The following RIMKLB variants were observed in gnomAD, a reference collection of about 807,000 sequenced individuals.
The protein encoded by RIMKLB is ribosomal modification protein rimK like family member B.
In RIMKLB, 7 loss-of-function variants were observed where a neutral mutation model predicts 32.0. The ratio of observed to expected loss-of-function variants is 0.22; its 90% CI spans 0.12 to 0.41. The LOEUF (loss-of-function observed/expected upper bound fraction) is 0.41, where lower values mean the gene tolerates loss of function less well. RIMKLB is among the 10% of genes least tolerant of loss of function. The pLI, the probability that RIMKLB is intolerant of heterozygous loss-of-function variation, is 1.00. For missense variants in RIMKLB, 289 were observed against 498.7 expected, an observed-to-expected ratio of 0.58 and a Z score of 4.00; for synonymous variants, 172 against 185.1, an observed-to-expected ratio of 0.93 and a Z score of 0.57.
chr12:8,752,197 G>A (rs1306069119), intron 4 of RIMKLB, among the ~76,000 whole-genome samples, 154 bp downstream of exon 4: 1 of 152,170 alleles, frequency 6.6e-6, no homozygotes, highest in Admixed American at 6.6e-5. Context: ...TTGGCTAAAA[G>A]CTATTTGTTT....
chr12:8,746,221 T>TC (rs1232221103), intron 2 of RIMKLB, among the ~76,000 whole-genome samples: 4 of 151,752 alleles, frequency 2.6e-5, no homozygotes, highest in Admixed American at 6.6e-5. Context: ...TCAAAATTTT[T>TC]CATCCTCAAA....
chr12:8,740,314 TC>T (rs1947384566), intron 2 of RIMKLB, among the ~76,000 whole-genome samples: 1 of 152,256 alleles, frequency 6.6e-6, no homozygotes, highest in African/African-American at 2.4e-5. Flanking sequence ...AATACTTTTT[TC>T]CCCGATGGTC....
intron 1 of RIMKLB, among the ~76,000 whole-genome samples, chr12:8,705,212 C>T (rs1313727319): frequency 2.6e-5 from 4 of 152,088 alleles, no homozygotes; most frequent in South Asian, 2.1e-4. Context: ...CATGGTGGCT[C>T]ATACCTGTAA....
intron 5 of RIMKLB, among the ~76,000 whole-genome samples, chr12:8,766,388 A>G (rs745404347): frequency 6.6e-6 from 1 of 152,192 alleles, no homozygotes; most frequent in Non-Finnish European, 1.5e-5. Context: ...GGTGAATTCT[A>G]GAGCTGGGCT....
At chr12:8,757,472 A>G (rs1159363601) in intron 5 of RIMKLB, among the ~76,000 whole-genome samples, 4 of 145,348 alleles carry the variant, frequency 2.8e-5, no homozygotes, top group Non-Finnish European at 4.6e-5. Context: ...CCCTGTCTCA[A>G]AAAAAAAAAA....
At chr12:8,779,383 C>A (rs1327842498), downstream of RIMKLB, 1 of 152,312 alleles carries the variant, frequency 6.6e-6, no homozygotes, top group Non-Finnish European at 1.5e-5. Context: ...AGACAGACAT[C>A]CCTGTGCCTC....
chr12:8,748,560 A>ATGTG (rs1565611394), intron 2 of RIMKLB, among the ~76,000 whole-genome samples: 9 of 27,418 alleles, frequency 3.3e-4, no homozygotes, highest in Non-Finnish European at 6.2e-4. Flanking sequence ...GTGTGTGTGC[A>ATGTG]TATATATATA....
chr12:8,744,235 G>A (rs1315414047), intron 2 of RIMKLB, among the ~76,000 whole-genome samples: 1 of 151,992 alleles, frequency 6.6e-6, no homozygotes. Context: ...TCCAGCCTTG[G>A]ATCACTTCTG....
chr12:8,777,361 G>T, downstream of RIMKLB: 3 of 984,312 alleles, frequency 3.0e-6, no homozygotes, highest in Non-Finnish European at 3.6e-6. Flanking sequence ...AGTCTTCCAG[G>T]TTTAATTTGA....
At chr12:8,727,467 C>T (rs925709850) in intron 2 of RIMKLB, among the ~76,000 whole-genome samples, 4 of 152,164 alleles carry the variant, frequency 2.6e-5, no homozygotes, top group African/African-American at 4.8e-5. Flanking sequence ...TTGAACTCAA[C>T]CTCAGGTAAT....
At chr12:8,748,477 T>C (rs1375282957) in intron 2 of RIMKLB, among the ~76,000 whole-genome samples, 1 of 151,024 alleles carries the variant, frequency 6.6e-6, no homozygotes, top group East Asian at 1.9e-4. Flanking sequence ...AAGCATCCAT[T>C]GAGGGTTTTG....
At chr12:8,728,116 C>G (rs191773249) in intron 2 of RIMKLB, among the ~76,000 whole-genome samples, 161 of 152,262 alleles carry the variant, frequency 1.1e-3, no homozygotes, top group Non-Finnish European at 1.8e-3. Context: ...ATTCCCATAT[C>G]TCTCCTTACA....
At chr12:8,711,653 A>G (rs907858258) in intron 1 of RIMKLB, among the ~76,000 whole-genome samples, 5 of 151,802 alleles carry the variant, frequency 3.3e-5, no homozygotes, top group African/African-American at 9.7e-5. Flanking sequence ...ATATCTCCCA[A>G]TGCTATCCCT....
chr12:8,711,572 GGTTA>G (rs1944381660), intron 1 of RIMKLB, among the ~76,000 whole-genome samples: 2 of 151,890 alleles, frequency 1.3e-5, no homozygotes, highest in African/African-American at 4.8e-5. Flanking sequence ...ACAATGTGCA[GGTTA>G]GTTACATATG....
intron 1 of RIMKLB, among the ~76,000 whole-genome samples, chr12:8,688,939 A>G (rs143060991): frequency 2.1e-3 from 320 of 151,770 alleles, no homozygotes; most frequent in African/African-American, 7.1e-3. Context: ...GGTTCAAGAG[A>G]TTCTCCTGTC....
At chr12:8,733,883 T>C (rs932405862) in intron 2 of RIMKLB, among the ~76,000 whole-genome samples, 1 of 152,066 alleles carries the variant, frequency 6.6e-6, no homozygotes, top group Non-Finnish European at 1.5e-5. Context: ...TGTCTCTGGA[T>C]AGATGATAGG....
chr12:8,699,469 ACT>A (rs752117867), intron 1 of RIMKLB, among the ~76,000 whole-genome samples: 4 of 152,054 alleles, frequency 2.6e-5, no homozygotes, highest in South Asian at 2.1e-4. Context: ...GGAATAAAAC[ACT>A]CTCTGAAATT....
chr12:8,766,886 C>T (rs1950013423), intron 5 of RIMKLB, among the ~76,000 whole-genome samples: 1 of 152,212 alleles, frequency 6.6e-6, no homozygotes, highest in South Asian at 2.1e-4. Flanking sequence ...GCTTTTTTGA[C>T]TTAGGATAAT....
At chr12:8,709,038 C>T (rs775717198) in intron 1 of RIMKLB, among the ~76,000 whole-genome samples, 11 of 152,308 alleles carry the variant, frequency 7.2e-5, no homozygotes, top group African/African-American at 2.6e-4. Context: ...AGAGGAAATA[C>T]TATACGGTAC....
Sources: gnomAD v4.1 joint callset for allele counts (sites outside exome capture counted in the v4.1 genomes callset) on GRCh38, gnomAD v4.1.1 for gene constraint, MANE v1.5 for transcripts, NCBI Gene and HGNC (gene_info 2026-07-23, HGNC 2026-07-21) for gene names.